Variants in PPP1R1C observed in about 807,000 individuals in gnomAD.
PPP1R1C encodes the protein protein phosphatase 1 regulatory subunit 1C.
PPP1R1C carries 15 observed loss-of-function variants against 17.4 expected under a neutral mutation model. The observed-to-expected ratio is 0.86, with a 90% CI of 0.58 to 1.33. The LOEUF (loss-of-function observed/expected upper bound fraction) is 1.33. PPP1R1C is among the 40% of genes most tolerant of loss of function. PPP1R1C has a pLI of 0.00. For synonymous variants in PPP1R1C, 35 were observed against 43.1 expected (o/e 0.81, Z 0.73); for missense variants, 143 against 130.0 (o/e 1.10, Z -0.48).
At chr2:181,954,906 G>C (rs1181630019) in intron 1 of PPP1R1C, among the ~76,000 whole-genome samples, 1 of 152,110 alleles carries the variant, frequency 6.6e-6, no homozygotes, top group Non-Finnish European at 1.5e-5. Context: ...TAAAAACATG[G>C]GTTCCATGTT....
intron 1 of PPP1R1C, among the ~76,000 whole-genome samples, chr2:181,960,935 T>C (rs576182101): frequency 1.3e-5 from 2 of 152,342 alleles, no homozygotes; most frequent in Non-Finnish European, 2.9e-5. Context: ...GCAAACATTT[T>C]AGTAGACAAT....
intron 2 of PPP1R1C, among the ~76,000 whole-genome samples, chr2:181,991,638 A>T (rs1278936991): frequency 6.6e-6 from 1 of 152,168 alleles, no homozygotes; most frequent in African/African-American, 2.4e-5. Context: ...GGAAGTAGGG[A>T]ATCGCCAAAG....
intron 2 of PPP1R1C, chr2:182,048,808 A>T (rs1687420499): frequency 6.6e-6 from 1 of 152,194 alleles, no homozygotes; most frequent in Non-Finnish European, 1.5e-5. Flanking sequence ...CTACCTTCAA[A>T]CATGTTAGAT....
downstream of PPP1R1C, chr2:182,130,945 T>G (rs574107720): frequency 6.6e-6 from 1 of 152,312 alleles, no homozygotes; most frequent in African/African-American, 2.4e-5. Flanking sequence ...CACACTTTTA[T>G]TGTCAGAATA....
chr2:182,114,165 G>A (rs1689515247), intron 4 of PPP1R1C, among the ~76,000 whole-genome samples: 1 of 152,098 alleles, frequency 6.6e-6, no homozygotes, highest in Non-Finnish European at 1.5e-5. Flanking sequence ...CCTTCAATGT[G>A]TTTTTTGGGA....
At chr2:182,094,720 G>A (rs1172575909) in intron 4 of PPP1R1C, among the ~76,000 whole-genome samples, 1 of 152,132 alleles carries the variant, frequency 6.6e-6, no homozygotes, top group Admixed American at 6.5e-5. Flanking sequence ...TTGAATTGCA[G>A]ATGTGTAAAA....
At chr2:182,090,446 T>C in intron 4 of PPP1R1C, among the ~76,000 whole-genome samples, 1 of 152,152 alleles carries the variant, frequency 6.6e-6, no homozygotes, top group South Asian at 2.1e-4. Context: ...TTCCCAATCT[T>C]AAACAAGTAG....
At chr2:182,122,519 A>G (rs1455365469), downstream of PPP1R1C, among the ~76,000 whole-genome samples, 2 of 152,136 alleles carry the variant, frequency 1.3e-5, no homozygotes, top group African/African-American at 2.4e-5. Context: ...AAAGTAATAT[A>G]TAATTGAACG....
At chr2:182,039,339 A>C (rs1224572119) in intron 2 of PPP1R1C, among the ~76,000 whole-genome samples, 1 of 152,068 alleles carries the variant, frequency 6.6e-6, no homozygotes, top group Non-Finnish European at 1.5e-5. Flanking sequence ...GAGATGTCTC[A>C]TTTTGTAGCT....
chr2:181,969,429 GGCCTATAT>G (rs1406500453), intron 1 of PPP1R1C, among the ~76,000 whole-genome samples: 1 of 151,882 alleles, frequency 6.6e-6, no homozygotes, highest in Non-Finnish European at 1.5e-5. Flanking sequence ...ACTCTCTCCT[GGCCTATAT>G]GCCTGTATGA....
intron 2 of PPP1R1C, among the ~76,000 whole-genome samples, chr2:182,037,064 A>G (rs918698396): frequency 6.6e-6 from 1 of 152,222 alleles, no homozygotes; most frequent in East Asian, 1.9e-4. Flanking sequence ...AAAATAACAT[A>G]CCATTAAACA....
chr2:181,966,670 G>A (rs1452449741), intron 1 of PPP1R1C, among the ~76,000 whole-genome samples: 1 of 152,030 alleles, frequency 6.6e-6, no homozygotes, highest in African/African-American at 2.4e-5. Context: ...TGTTGTTCAC[G>A]ATGAATGATC....
chr2:182,046,720 A>G (rs1687358986), intron 2 of PPP1R1C, among the ~76,000 whole-genome samples: 1 of 151,702 alleles, frequency 6.6e-6, no homozygotes, highest in Non-Finnish European at 1.5e-5. Context: ...GCCTGGCAAC[A>G]GAGCGAGTCT....
chr2:182,025,444 T>G (rs980023121), intron 2 of PPP1R1C, among the ~76,000 whole-genome samples: 2 of 137,664 alleles, frequency 1.5e-5, no homozygotes, highest in African/African-American at 5.5e-5. Flanking sequence ...CACCTATGAG[T>G]GAGAATATGC....
At chr2:182,001,567 C>G (rs1019425886) in intron 2 of PPP1R1C, among the ~76,000 whole-genome samples, 2 of 152,062 alleles carry the variant, frequency 1.3e-5, no homozygotes, top group Non-Finnish European at 2.9e-5. Context: ...TCCATGTGAA[C>G]TTGGTATGTG....
chr2:182,041,706 A>G (rs1687189471), intron 2 of PPP1R1C, among the ~76,000 whole-genome samples: 1 of 152,136 alleles, frequency 6.6e-6, no homozygotes, highest in Non-Finnish European at 1.5e-5. Context: ...GTTTAAAAAT[A>G]AGAAAAGAAA....
rs531879530 is a variant in PPP1R1C at position 181,961,597 on chromosome 2, G to A, written n.111+6963G>A. On this transcript the variant is annotated intron_variant and non_coding_transcript_variant, in intron 1 of 5. Coordinates refer to the PPP1R1C transcript ENST00000464264. The surrounding 1 kb of genome is among the most constrained non-coding windows in gnomAD (Gnocchi z 5.8). ...GACTGTACGTCTCAGCTCCGTGAGC[G>A]TCATCTCAGCATCTCCAACCTTGGT... 250 of 741,170 alleles carry A rather than the reference G, an allele frequency of 3.4e-4. 2 individuals are homozygous for A. The highest frequency in any genetic ancestry group is 2.9e-3 in the African/African-American group (172 of 58,834). 45.9% of individuals were successfully genotyped at this position (741,170 alleles called of 1,614,324 possible).
At chr2:182,018,659 G>A (rs765991064) in intron 2 of PPP1R1C, among the ~76,000 whole-genome samples, 2 of 152,174 alleles carry the variant, frequency 1.3e-5, no homozygotes, top group Non-Finnish European at 2.9e-5. Flanking sequence ...CTATGAGCTA[G>A]AACATGATGT....
chr2:182,119,662 A>G (rs1262177697), downstream of PPP1R1C, among the ~76,000 whole-genome samples: 2 of 152,096 alleles, frequency 1.3e-5, no homozygotes, highest in South Asian at 2.1e-4. Flanking sequence ...GCCAGTGATG[A>G]TGAGCATTTT....
Sources: gnomAD v4.1 joint callset for allele counts (sites outside exome capture counted in the v4.1 genomes callset) on GRCh38, gnomAD v4.1.1 for gene constraint, Gnocchi (gnomAD v3.1) non-coding constraint, MANE v1.5 for transcripts, NCBI Gene and HGNC (gene_info 2026-07-23, HGNC 2026-07-21) for gene names.